The following TADA2A variants were observed in gnomAD, a reference collection of about 807,000 sequenced individuals.
TADA2A encodes transcriptional adapter 2-alpha.
In TADA2A, 38 loss-of-function variants were observed where a neutral mutation model predicts 67.4. The ratio of observed to expected loss-of-function variants is 0.56; its 90% confidence interval spans 0.44 to 0.74. The LOEUF is 0.74. TADA2A is among the 30% of genes least tolerant of loss of function. The pLI is 0.00. For synonymous variants in TADA2A, 192 were observed against 181.6 expected (o/e 1.06, Z -0.46); for missense variants, 454 against 547.0 (o/e 0.83, Z 1.70).
At chr17:37,437,925 A>T in intron 5 of TADA2A, 96 bp downstream of exon 5, 1 of 1,168,076 alleles carries the variant, frequency 8.6e-7, no homozygotes, top group Non-Finnish European at 1.3e-6. Context: ...AAGAGAAAGT[A>T]TGTGTTGCTT....
At chr17:37,451,502 T>G (rs2053232154) in intron 8 of TADA2A, among the ~76,000 whole-genome samples, 1 of 151,886 alleles carries the variant, frequency 6.6e-6, no homozygotes, top group Non-Finnish European at 1.5e-5. Context: ...GGTACATTTT[T>G]GTAGAGACAG....
At chr17:37,409,550 T>G (rs1382942522) in intron 1 of TADA2A, among the ~76,000 whole-genome samples, 1 of 151,892 alleles carries the variant, frequency 6.6e-6, no homozygotes, top group African/African-American at 2.4e-5. Flanking sequence ...GCAGATCGCC[T>G]GAGGTCAGGA....
At chr17:37,448,852 C>T (rs1429589259) in intron 8 of TADA2A, among the ~76,000 whole-genome samples, 1 of 152,162 alleles carries the variant, frequency 6.6e-6, no homozygotes, top group Non-Finnish European at 1.5e-5. Context: ...CTCTCCTAGG[C>T]TTGGATCTGT....
At chr17:37,413,740 A>T (rs2051950905) in intron 2 of TADA2A, among the ~76,000 whole-genome samples, 1 of 151,898 alleles carries the variant, frequency 6.6e-6, no homozygotes, top group East Asian at 1.9e-4. Context: ...TTGCAAAAAG[A>T]TGATTCCCCC....
At chr17:37,459,965 C>A (rs1173543048) in intron 9 of TADA2A, among the ~76,000 whole-genome samples, 2 of 151,444 alleles carry the variant, frequency 1.3e-5, no homozygotes, top group Admixed American at 1.3e-4. Context: ...ACTCGGGAGG[C>A]TGAGGCAGGA....
chr17:37,470,596 T>G (rs1488828202), intron 13 of TADA2A, 64 bp downstream of exon 13: 3 of 1,459,268 alleles, frequency 2.1e-6, no homozygotes, highest in Non-Finnish European at 1.8e-6. Flanking sequence ...TCACATATAT[T>G]TTTGGGCACC....
intron 4 of TADA2A, among the ~76,000 whole-genome samples, chr17:37,432,522 C>G (rs1051289966): frequency 2.0e-5 from 3 of 152,184 alleles, no homozygotes; most frequent in Non-Finnish European, 2.9e-5. Flanking sequence ...GGTACATTTG[C>G]TACTAATCAT....
At chr17:37,434,309 C>T (rs1008773431) in intron 4 of TADA2A, among the ~76,000 whole-genome samples, 2 of 152,158 alleles carry the variant, frequency 1.3e-5, no homozygotes, top group African/African-American at 4.8e-5. Flanking sequence ...CATAATTTAA[C>T]ACTGGTGATG....
intron 2 of TADA2A, among the ~76,000 whole-genome samples, chr17:37,421,919 C>A (rs2052245560): frequency 1.4e-5 from 2 of 145,846 alleles, no homozygotes; most frequent in South Asian, 4.5e-4. Context: ...CTCTCTGTTG[C>A]CCAGACTGGA....
chr17:37,411,688 C>T (rs959839002), intron 2 of TADA2A, among the ~76,000 whole-genome samples: 2 of 151,860 alleles, frequency 1.3e-5, no homozygotes, highest in Non-Finnish European at 2.9e-5. Context: ...CCTCGGCCTC[C>T]CAAAGTGCTG....
intron 1 of TADA2A, among the ~76,000 whole-genome samples, chr17:37,410,371 TC>T (rs1479749276): frequency 1.6e-4 from 24 of 149,722 alleles, no homozygotes; most frequent in Middle Eastern, 3.5e-3. Context: ...AGATGGGGTC[TC>T]CCTATGTTGC....
chr17:37,423,186 A>G (rs896363347), intron 2 of TADA2A, among the ~76,000 whole-genome samples: 11 of 152,264 alleles, frequency 7.2e-5, no homozygotes, highest in Non-Finnish European at 1.5e-4. Context: ...AGCTATTGTC[A>G]AGCCACTGCA....
rs1173344516 is a variant in TADA2A, at chr17:37,471,108, G to A, written c.1043G>A (p.Ser348Asn). 3 of 1,614,146 alleles carry A rather than the reference G, an allele frequency of 1.9e-6. No homozygotes were observed. The African/African-American group carries it at 4.0e-5, about 22-fold the overall frequency. The change falls in exon 14 of 16, where the codon AGT becomes AAT. Residue 348 changes from serine to asparagine, a missense_variant. Coordinates refer to ENST00000615182, the MANE Select transcript of TADA2A (RefSeq NM_001166105.3). Reference protein sequence around the residue: ...RRQADIDSGLSPSIPMASNSG... With the variant: ...RRQADIDSGLNPSIPMASNSG... ...CTTCGTTGTAGTGATTCCGGCCTGA[G>A]TCCTTCCATTCCAATGGCTTCGAAT... is the stretch of plus-strand genomic sequence containing the variant.
At chr17:37,439,273 TA>T (rs1357765161) in intron 5 of TADA2A, among the ~76,000 whole-genome samples, 5 of 151,986 alleles carry the variant, frequency 3.3e-5, no homozygotes, top group Admixed American at 3.3e-4. Context: ...AGCTAATTTT[TA>T]AATTTTATTA....
At chr17:37,412,184 T>G (rs895651850) in intron 2 of TADA2A, among the ~76,000 whole-genome samples, 2 of 149,152 alleles carry the variant, frequency 1.3e-5, no homozygotes, top group South Asian at 4.3e-4. Flanking sequence ...GCACTCCAGC[T>G]TGGGCGACAG....
At chr17:37,416,207 C>T (rs550614378) in intron 2 of TADA2A, among the ~76,000 whole-genome samples, 2 of 150,690 alleles carry the variant, frequency 1.3e-5, no homozygotes, top group East Asian at 4.0e-4. Context: ...TAACCTCTGT[C>T]TCCCGGGTTC....
chr17:37,469,921 T>C (rs1003816015), intron 12 of TADA2A, among the ~76,000 whole-genome samples: 6 of 152,210 alleles, frequency 3.9e-5, no homozygotes, highest in Non-Finnish European at 5.9e-5. Flanking sequence ...TTTCCTGATA[T>C]TGGCTGCCTC....
At chr17:37,475,972 G>C (rs766000681) in intron 15 of TADA2A, among the ~76,000 whole-genome samples, 6 of 152,108 alleles carry the variant, frequency 3.9e-5, no homozygotes, top group Non-Finnish European at 7.3e-5. Context: ...TAATTCCCAA[G>C]GTCAGTTCCC....
At chr17:37,427,296 T>G (rs853219) in intron 4 of TADA2A, among the ~76,000 whole-genome samples, 1 of 152,032 alleles carries the variant, frequency 6.6e-6, no homozygotes, top group African/African-American at 2.4e-5. Flanking sequence ...ACTTTTGATA[T>G]GAGGATAACA....
Sources: allele counts gnomAD v4.1 joint callset (sites outside exome capture counted in the v4.1 genomes callset), GRCh38; gene constraint gnomAD v4.1.1; transcripts MANE v1.5; gene names NCBI Gene and HGNC (gene_info 2026-07-23, HGNC 2026-07-21).